Variants in DCAF8L2 observed in about 807,000 individuals in gnomAD.
DCAF8L2 encodes DDB1 and CUL4 associated factor 8 like 2, also known as DDB1- and CUL4-associated factor 8-like protein 2.
For synonymous variants in DCAF8L2, 200 were observed against 190.9 expected (o/e 1.05, Z -0.39); for missense variants, 430 against 490.7 (o/e 0.88, Z 1.17).
intron 2 of DCAF8L2, among the ~76,000 whole-genome samples, chrX:27,673,670 CAT>C (rs1930040412): frequency 1.9e-5 from 2 of 108,069 alleles, no homozygotes; most frequent in Non-Finnish European, 3.8e-5. Context: ...ATATAATATA[CAT>C]ATGTGTGTGT....
chrX:27,726,803 C>T (rs975302647), intron 4 of DCAF8L2, among the ~76,000 whole-genome samples: 2 of 111,924 alleles, frequency 1.8e-5, no homozygotes, highest in South Asian at 3.6e-4. Flanking sequence ...ACTCACTTAT[C>T]CATTTCATTC....
intron 1 of DCAF8L2, among the ~76,000 whole-genome samples, chrX:27,601,561 A>G (rs1454376999): frequency 9.0e-6 from 1 of 110,966 alleles, no homozygotes; most frequent in Admixed American, 9.6e-5. Flanking sequence ...TTAGCCGAAC[A>G]TGGTGACACA....
At chrX:27,570,296 T>C in the DCAF8L2 span, among the ~76,000 whole-genome samples, 1 of 111,209 alleles carries the variant, frequency 9.0e-6, no homozygotes, top group East Asian at 2.8e-4. Flanking sequence ...TGGACAGTAC[T>C]ATGACCTAAA....
In DCAF8L2 at chrX:27,614,021, G is replaced by T. The variant is rs1044726655; in HGVS notation, c.-341-17858G>T. 4.5e-5 allele frequency among the ~76,000 whole-genome samples: 5 copies of T among 111,474 alleles called. No homozygotes were observed. The East Asian group carries it at 1.1e-3, about 25-fold the overall frequency. Reference sequence around the variant, plus strand: ...TCTATTGTTTGGAAAAGTTTCAGAAGGAATGGTACCAGTTCCTCTTTCTAC... The same window carrying T: ...TCTATTGTTTGGAAAAGTTTCAGAATGAATGGTACCAGTTCCTCTTTCTAC... On this transcript the variant is annotated intron_variant, in intron 1 of 4. Transcript: ENST00000451261.
At chrX:27,556,669 C>G in the DCAF8L2 span, among the ~76,000 whole-genome samples, 1 of 111,653 alleles carries the variant, frequency 9.0e-6, no homozygotes, top group Non-Finnish European at 1.9e-5. Flanking sequence ...GATAAAGAGT[C>G]GAAGACTAGA....
the DCAF8L2 span, among the ~76,000 whole-genome samples, chrX:27,498,170 C>T: frequency 1.8e-5 from 2 of 112,214 alleles, no homozygotes; most frequent in Non-Finnish European, 3.8e-5. Context: ...AGACCTTGCT[C>T]AATTCTTTTG....
Position 27,671,455 on chromosome X carries a change from G to T in DCAF8L2, c.-219-6381G>T, listed in dbSNP as rs180680689. Among the ~76,000 whole-genome samples the T allele has an allele frequency of 2.0e-3, 229 of 112,111 alleles. 1 individual carries two copies. The highest frequency in any genetic ancestry group is 3.8e-3 in the Non-Finnish European group (200 of 53,257). On this transcript the variant is annotated intron_variant, in intron 2 of 4. Coordinates refer to ENST00000451261, the MANE Select transcript of DCAF8L2 (RefSeq NM_001353450.2). ...TCAGCAATTTCTAATGTGCTTTAAA[G>T]CTTAGGACTCTCTTCTCTGCCATAT...
At chrX:27,483,689 C>T in the DCAF8L2 span, among the ~76,000 whole-genome samples, 1 of 111,067 alleles carries the variant, frequency 9.0e-6, no homozygotes, top group African/African-American at 3.3e-5. Flanking sequence ...GGTTTCCTTG[C>T]TTCCTTCCCA....
chrX:27,651,843 T>TA (rs1238600534), intron 2 of DCAF8L2, among the ~76,000 whole-genome samples: 1 of 110,862 alleles, frequency 9.0e-6, no homozygotes, highest in Non-Finnish European at 1.9e-5. Flanking sequence ...TACGATCTTC[T>TA]AGTATAACTT....
chrX:27,573,542 T>C, the DCAF8L2 span, among the ~76,000 whole-genome samples: 1 of 111,267 alleles, frequency 9.0e-6, no homozygotes, highest in African/African-American at 3.3e-5. Flanking sequence ...CAAAAAGTCA[T>C]CAAGAGCAGA....
chrX:27,489,376 C>T, the DCAF8L2 span, among the ~76,000 whole-genome samples: 1 of 112,488 alleles, frequency 8.9e-6, no homozygotes, highest in Admixed American at 9.4e-5. Context: ...GGATTACAGG[C>T]GTGAGCCACC....
chrX:27,573,011 G>A, the DCAF8L2 span, among the ~76,000 whole-genome samples: 1 of 109,972 alleles, frequency 9.1e-6, no homozygotes, highest in East Asian at 2.9e-4. Flanking sequence ...ATTTCCTATT[G>A]GTTTACTTGT....
chrX:27,548,372 T>C, the DCAF8L2 span, among the ~76,000 whole-genome samples: 4 of 111,666 alleles, frequency 3.6e-5, no homozygotes, highest in African/African-American at 1.3e-4. Flanking sequence ...TGCTTAGATG[T>C]CTGGACTCTT....
chrX:27,547,355 C>T, the DCAF8L2 span, among the ~76,000 whole-genome samples: 1 of 112,418 alleles, frequency 8.9e-6, no homozygotes, highest in South Asian at 3.7e-4. Flanking sequence ...CTGCCTGCTA[C>T]CCAGTTCCAA....
chrX:27,495,741 A>G, the DCAF8L2 span, among the ~76,000 whole-genome samples: 2 of 111,626 alleles, frequency 1.8e-5, no homozygotes, highest in Non-Finnish European at 3.8e-5. Context: ...GCTGTTTCCT[A>G]TAAGACAACT....
intron 1 of DCAF8L2, among the ~76,000 whole-genome samples, chrX:27,611,628 G>A (rs952904080): frequency 2.8e-5 from 3 of 107,854 alleles, no homozygotes; most frequent in Non-Finnish European, 5.7e-5. Context: ...GGTGTGTGAT[G>A]TTCCCTGCCC....
the DCAF8L2 span, chrX:27,519,305 A>G: frequency 9.6e-7 from 1 of 1,040,864 alleles, no homozygotes; most frequent in Non-Finnish European, 1.3e-6. Context: ...CGAGCAAAAG[A>G]AGAAGCAGAG....
chrX:27,607,447 G>A (rs1226017301), intron 1 of DCAF8L2, among the ~76,000 whole-genome samples: 2 of 111,138 alleles, frequency 1.8e-5, no homozygotes, highest in African/African-American at 6.5e-5. Flanking sequence ...ACATTTTCGA[G>A]AACAGAGCTT....
intron 2 of DCAF8L2, chrX:27,633,530 C>T (rs1241189765): frequency 9.0e-6 from 1 of 111,551 alleles, no homozygotes; most frequent in African/African-American, 3.3e-5. Flanking sequence ...TACCTTTAAC[C>T]CTTGCTCGGT....
Sources: gnomAD v4.1 joint callset for allele counts (sites outside exome capture counted in the v4.1 genomes callset) on GRCh38, gnomAD v4.1.1 for gene constraint, MANE v1.5 for transcripts, NCBI Gene and HGNC (gene_info 2026-07-23, HGNC 2026-07-21) for gene names.